The following ERC1 variants were observed in gnomAD, a reference collection of about 807,000 sequenced individuals.
The protein encoded by ERC1 is ELKS/RAB6-interacting/CAST family member 1, also known as RAB6 interacting protein 2.
In ERC1, 56 loss-of-function variants were observed where a neutral mutation model predicts 132.0. That is an observed-to-expected ratio of 0.42 (90% CI 0.34 to 0.53). The LOEUF (loss-of-function observed/expected upper bound fraction) is 0.53. Among genes scored for constraint, ERC1 ranks in the 20% least tolerant of loss-of-function variants. ERC1 has a pLI of 0.03. For missense variants in ERC1, 1,202 were observed against 1,349.9 expected, an observed-to-expected ratio of 0.89 and a Z score of 1.72; for synonymous variants, 478 against 476.1, an observed-to-expected ratio of 1.00 and a Z score of -0.05.
chr12:1,054,733 A>C (rs920684947), intron 2 of ERC1, among the ~76,000 whole-genome samples: 5 of 152,142 alleles, frequency 3.3e-5, no homozygotes, highest in Non-Finnish European at 1.5e-5. Context: ...TCAGTCTGTC[A>C]ATACATATTT....
intron 16 of ERC1, among the ~76,000 whole-genome samples, chr12:1,400,990 C>T (rs796344116): frequency 1.7e-5 from 2 of 114,522 alleles, no homozygotes; most frequent in African/African-American, 3.3e-5. Context: ...GGCTGGAGTG[C>T]AGTGGCGTGA....
At chr12:1,158,530 A>G (rs1763418591) in intron 8 of ERC1, among the ~76,000 whole-genome samples, 2 of 151,818 alleles carry the variant, frequency 1.3e-5, no homozygotes, top group African/African-American at 4.8e-5. Context: ...CCTGGGTTCA[A>G]GCGATTCTCC....
intron 1 of ERC1, among the ~76,000 whole-genome samples, chr12:995,116 G>T (rs570941734): frequency 2.0e-5 from 3 of 150,558 alleles, no homozygotes; most frequent in Non-Finnish European, 4.4e-5. Flanking sequence ...AAAAAAATTA[G>T]CATGGCAGTA....
At chr12:1,238,332 A>G (rs948613622) in intron 13 of ERC1, among the ~76,000 whole-genome samples, 2 of 151,800 alleles carry the variant, frequency 1.3e-5, no homozygotes, top group African/African-American at 4.8e-5. Context: ...CCTCCCATGG[A>G]TTTTTTGCTT....
chr12:1,316,517 T>C (rs969482633), intron 15 of ERC1, among the ~76,000 whole-genome samples: 2 of 152,186 alleles, frequency 1.3e-5, no homozygotes, highest in Non-Finnish European at 1.5e-5. Context: ...TGAAAAAATA[T>C]CTCTGTGAAA....
At chr12:1,365,095 A>G in intron 15 of ERC1, among the ~76,000 whole-genome samples, 1 of 152,194 alleles carries the variant, frequency 6.6e-6, no homozygotes, top group East Asian at 1.9e-4. Context: ...ATAGCCTTAT[A>G]TAATCCCACT....
At chr12:1,147,687 C>T (rs772555703) in intron 8 of ERC1, among the ~76,000 whole-genome samples, 5 of 152,034 alleles carry the variant, frequency 3.3e-5, no homozygotes, top group Admixed American at 6.6e-5. Flanking sequence ...TAGTAAAATA[C>T]GAATTTTTAA....
At chr12:1,161,365 G>A (rs999016047) in intron 8 of ERC1, among the ~76,000 whole-genome samples, 1 of 152,118 alleles carries the variant, frequency 6.6e-6, no homozygotes, top group Non-Finnish European at 1.5e-5. Context: ...AAAACGAGGA[G>A]GGGTGTTCCT....
At chr12:1,206,811 T>G (rs1464783365) in intron 12 of ERC1, among the ~76,000 whole-genome samples, 1 of 152,116 alleles carries the variant, frequency 6.6e-6, no homozygotes, top group Non-Finnish European at 1.5e-5. Flanking sequence ...TAATTATCAG[T>G]TACCACTGTA....
At chr12:1,181,751 C>T (rs559585525) in intron 9 of ERC1, among the ~76,000 whole-genome samples, 174 bp from the exon 10 acceptor site, 10 of 149,796 alleles carry the variant, frequency 6.7e-5, no homozygotes, top group South Asian at 6.4e-4. Flanking sequence ...CCATTACACT[C>T]GAGCCTAGGC....
chr12:1,285,948 G>T (rs1020453495), intron 14 of ERC1, among the ~76,000 whole-genome samples: 6 of 152,130 alleles, frequency 3.9e-5, no homozygotes, highest in Non-Finnish European at 8.8e-5. Context: ...ATGTGCATGA[G>T]CAAGTTTTAT....
intron 15 of ERC1, among the ~76,000 whole-genome samples, chr12:1,330,372 C>T (rs2154357651): frequency 6.6e-6 from 1 of 152,206 alleles, no homozygotes; most frequent in African/African-American, 2.4e-5. Flanking sequence ...TTTATTGACT[C>T]CTTGCAACAG....
intron 1 of ERC1, among the ~76,000 whole-genome samples, chr12:994,830 C>T (rs1960455905): frequency 6.6e-6 from 1 of 151,968 alleles, no homozygotes; most frequent in African/African-American, 2.4e-5. Flanking sequence ...GGTGCGGTGG[C>T]TCACGCCTGT....
chr12:1,212,849 G>A (rs1221433130), intron 12 of ERC1, among the ~76,000 whole-genome samples: 1 of 152,140 alleles, frequency 6.6e-6, no homozygotes, highest in African/African-American at 2.4e-5. Flanking sequence ...AGTTTCTCTG[G>A]GGACCCCTTC....
chr12:1,271,450 G>A (rs1437002961), intron 14 of ERC1, among the ~76,000 whole-genome samples: 1 of 152,294 alleles, frequency 6.6e-6, no homozygotes, highest in East Asian at 1.9e-4. Context: ...AATTTTTTGA[G>A]ATGAGAAAGC....
intron 1 of ERC1, among the ~76,000 whole-genome samples, chr12:1,011,734 G>T (rs1174005017): frequency 1.3e-5 from 2 of 152,130 alleles, no homozygotes; most frequent in Non-Finnish European, 2.9e-5. Flanking sequence ...AGTAGTTCAA[G>T]ACCAGCCTGG....
In ERC1 at chr12:1,400,955, T is replaced by A. The variant is rs7296620; in HGVS notation, c.2926-7194T>A. Reference sequence around the variant, plus strand: ...TTTTTTTTTTTTTTTTTTTTTTTTGTGACGGAGTCTTGCTCTATCGCCCAG... The same window carrying A: ...TTTTTTTTTTTTTTTTTTTTTTTTGAGACGGAGTCTTGCTCTATCGCCCAG... On this transcript the variant is annotated intron_variant, in intron 16 of 18. Transcript: ENST00000360905. Among the ~76,000 whole-genome samples, 21 of 103,624 alleles carry A rather than the reference T, an allele frequency of 2.0e-4. 1 individual carries two copies. The highest frequency in any genetic ancestry group is 7.1e-4 in the African/African-American group (20 of 28,026). 68.0% of individuals were successfully genotyped at this position (103,624 alleles called of 152,430 possible). A position where few individuals can be genotyped will look rare whatever the true frequency, so the allele number is the denominator to read the frequency against.
In ERC1 at chr12:1,236,808, G is replaced by C; in HGVS notation, c.2391G>C (p.Lys797Asn). 1 of 1,613,958 alleles carries C rather than the reference G, an allele frequency of 6.2e-7. No individual in the cohort carries two copies. The highest frequency in any genetic ancestry group is 2.2e-5 in the East Asian group (1 of 44,878). The change falls in exon 13 of 19, where the codon AAG (lysine) becomes AAC (asparagine). Residue 797 changes from lysine (K) to asparagine (N), a missense_variant. Physicochemically the swap from Lys to Asn is moderately conservative, Grantham distance 94 (BLOSUM62 0). Coordinates refer to ENST00000360905, the MANE Select transcript of ERC1 (RefSeq NM_178040.4). ...KDQNKKVANL[K>N]HKEQVEKKKS... ...AGAATAAGAAGGTAGCAAATCTGAA[G>C]CACAAGGAACAGGTGGAAAAAAAGA...
chr12:1,256,356 G>T (rs540527573), intron 13 of ERC1, among the ~76,000 whole-genome samples: 16 of 149,330 alleles, frequency 1.1e-4, no homozygotes, highest in Admixed American at 1.0e-3. Flanking sequence ...GAGGAAACAG[G>T]AGTTTAAAGA....
Sources: gnomAD v4.1 joint callset for allele counts (sites outside exome capture counted in the v4.1 genomes callset) on GRCh38, gnomAD v4.1.1 for gene constraint, MANE v1.5 for transcripts, NCBI Gene and HGNC (gene_info 2026-07-23, HGNC 2026-07-21) for gene names.